The following LRP11 variants were observed in gnomAD, a reference collection of about 807,000 sequenced individuals.
LRP11 encodes low-density lipoprotein receptor-related protein 11.
In LRP11, 25 loss-of-function variants were observed where a neutral mutation model predicts 43.1. The observed-to-expected ratio is 0.58, with a 90% CI of 0.42 to 0.81. The LOEUF (loss-of-function observed/expected upper bound fraction) is 0.81. Among genes scored for constraint, LRP11 ranks in the 30% least tolerant of loss-of-function variants. LRP11 has a pLI of 0.00. For synonymous variants in LRP11, 316 were observed against 299.4 expected (o/e 1.06, Z -0.57); for missense variants, 623 against 665.1 (o/e 0.94, Z 0.70).
In LRP11 at chr6:149,836,789, T is replaced by G. The variant is rs149763148; in HGVS notation, c.1040-492A>C. Among the ~76,000 whole-genome samples the G allele has an allele frequency of 4.0e-3, 610 of 151,744 alleles. 8 individuals are homozygous for G. Among genetic ancestry groups the G allele is most frequent in the African/African-American group, 0.014 (575 of 41,344 alleles). ...ATGATTATGCCACTGCACTCCAGCC[T>G]GGGTGACAGAGTGAGAACTGGTCTC... On this transcript the variant is annotated intron_variant, in intron 4 of 6. Coordinates refer to ENST00000239367, the MANE Select transcript of LRP11 (RefSeq NM_032832.6).
intron 1 of LRP11, among the ~76,000 whole-genome samples, chr6:149,859,768 T>A (rs1234952601): frequency 6.6e-6 from 1 of 152,144 alleles, no homozygotes; most frequent in African/African-American, 2.4e-5. Context: ...TTTCTTGATA[T>A]GAAGTTTTTT....
rs1403048685 is a variant in LRP11, at chr6:149,863,780, C to A, written c.241G>T (p.Ala81Ser). 6.8e-7 allele frequency: 1 copy of A among 1,480,134 alleles called. No individual in the cohort carries two copies. Among genetic ancestry groups the A allele is most frequent in the Non-Finnish European group, 8.9e-7 (1 of 1,122,224 alleles). The allele number at this position is 1,480,134 out of a possible 1,614,324, so 91.7% of individuals were successfully genotyped here. ...PQEELELELR[A>S]GGGPQEDCPG... ...CAGTCCTCCTGGGGGCCGCCGCCCGCGCGCAGCTCCAGCTCCAGCTCCTCC... is the reference window on the plus strand; with the variant it reads ...CAGTCCTCCTGGGGGCCGCCGCCCGAGCGCAGCTCCAGCTCCAGCTCCTCC... Residue 81 changes from alanine to serine, a missense_variant, in exon 1 of 7, where the codon GCG (alanine) becomes TCG (serine). Physicochemically the swap from Ala to Ser is moderately conservative, Grantham distance 99. Transcript: ENST00000239367.
chr6:149,831,207 C>G (rs544216903), intron 5 of LRP11, among the ~76,000 whole-genome samples: 1 of 152,230 alleles, frequency 6.6e-6, no homozygotes, highest in African/African-American at 2.4e-5. Flanking sequence ...GAATTGGCAG[C>G]TGGATGGAAG....
intron 1 of LRP11, among the ~76,000 whole-genome samples, chr6:149,856,151 T>C (rs1262787919): frequency 6.6e-6 from 1 of 152,246 alleles, no homozygotes; most frequent in African/African-American, 2.4e-5. Flanking sequence ...AATGAAAATA[T>C]GTCTATGTGA....
intron 2 of LRP11, among the ~76,000 whole-genome samples, chr6:149,851,604 A>C (rs1046452944): frequency 5.3e-5 from 8 of 152,234 alleles, no homozygotes; most frequent in Non-Finnish European, 8.8e-5. Flanking sequence ...CAATGCACAG[A>C]AGTAAGGGGA....
intron 1 of LRP11, among the ~76,000 whole-genome samples, chr6:149,859,239 A>G (rs967720162): frequency 2.0e-5 from 3 of 151,716 alleles, no homozygotes; most frequent in Non-Finnish European, 4.4e-5. Context: ...TACCAAGTTA[A>G]TAAATGAAAA....
chr6:149,837,590 A>G, intron 3 of LRP11, 127 bp from the exon 4 acceptor site: 1 of 938,340 alleles, frequency 1.1e-6, no homozygotes, highest in Non-Finnish European at 1.6e-6. Flanking sequence ...AATGAGGCAA[A>G]CCTAACAATT....
intron 1 of LRP11, among the ~76,000 whole-genome samples, chr6:149,859,377 C>CATATATATATATATAT (rs201050390): frequency 1.2e-4 from 6 of 51,594 alleles, no homozygotes; most frequent in East Asian, 1.6e-3. Flanking sequence ...CTTGCTGACT[C>CATATATATATATATAT]ATATATATAT....
At chr6:149,836,955 T>C (rs1384899335) in intron 4 of LRP11, among the ~76,000 whole-genome samples, 1 of 152,188 alleles carries the variant, frequency 6.6e-6, no homozygotes, top group Non-Finnish European at 1.5e-5. Context: ...GGTGTTTCTA[T>C]GTGTATGATA....
intron 3 of LRP11, 97 bp downstream of exon 3, chr6:149,842,886 T>C: frequency 7.1e-7 from 1 of 1,408,818 alleles, no homozygotes; most frequent in Non-Finnish European, 9.8e-7. Context: ...AAAAATAAAA[T>C]GGAAGAGCCC....
At position 149,863,811 on chromosome 6, in the gene LRP11, C is replaced by A; in HGVS notation, c.210G>T (p.Arg70=). Residue 70 remains arginine, a synonymous_variant, in exon 1 of 7, where the codon CGG becomes CGT. Coordinates refer to ENST00000239367, the MANE Select transcript of LRP11 (RefSeq NM_032832.6). ...EEFRRQLQQE[R]PQEELELELR... is the part of the protein sequence containing the mutation. The stretch of plus-strand genomic sequence containing the variant: ...GCTCCAGCTCCAGCTCCTCCTGAGG[C>A]CGCTCCTGCTGCAGTTGCCGGCGGA... 1 of 1,505,164 alleles carries A rather than the reference C, an allele frequency of 6.6e-7. No individual in the cohort carries two copies. The highest frequency in any genetic ancestry group is 8.8e-7 in the Non-Finnish European group (1 of 1,135,534). The allele number at this position is 1,505,164 out of a possible 1,614,324, so 93.2% of individuals were successfully genotyped here. A position where few individuals can be genotyped will look rare whatever the true frequency, so the allele number is the denominator to read the frequency against.
intron 5 of LRP11, among the ~76,000 whole-genome samples, chr6:149,826,974 C>CT (rs35335842): frequency 0.49 from 69,999 of 143,738 alleles, 18,489 homozygotes; most frequent in East Asian, 0.83. Flanking sequence ...TATTTATTTA[C>CT]TTTTTTTTTT....
chr6:149,854,182 T>C (rs943117054), intron 1 of LRP11, among the ~76,000 whole-genome samples: 1 of 152,232 alleles, frequency 6.6e-6, no homozygotes, highest in African/African-American at 2.4e-5. Flanking sequence ...TGGTGCACGA[T>C]CATAGCTCAC....
In LRP11 at chr6:149,863,728, C is replaced by T. The variant is rs1046884830; in HGVS notation, c.293G>A (p.Ser98Asn). ...GCGGATGATGGCGTCAGGCATTGCG[C>T]TGTAGCCGCCGCTGCCCGGGCCCGG... ...DCPGPGSGGYSAMPDAIIRTK... is the reference protein window; with the variant it reads ...DCPGPGSGGYNAMPDAIIRTK... The change falls in exon 1 of 7, where the codon AGC becomes AAC. Residue 98 changes from serine (S) to asparagine (N), a missense_variant. Ser to Asn is a conservative substitution (Grantham distance 46, BLOSUM62 1). Coordinates refer to ENST00000239367, the MANE Select transcript of LRP11 (RefSeq NM_032832.6). 13 of 1,480,314 alleles carry T rather than the reference C, an allele frequency of 8.8e-6. No homozygotes were observed. Among genetic ancestry groups the T allele is most frequent in the African/African-American group, 2.9e-5 (2 of 68,340 alleles). The allele number at this position is 1,480,314 out of a possible 1,614,324, so 91.7% of individuals were successfully genotyped here.
intron 5 of LRP11, among the ~76,000 whole-genome samples, chr6:149,833,243 G>C (rs1776432368): frequency 6.6e-6 from 1 of 152,140 alleles, no homozygotes; most frequent in Non-Finnish European, 1.5e-5. Context: ...GGCCAATAAT[G>C]CACTTTTAAA....
Position 149,823,522 on chromosome 6 carries a change from G to T in LRP11, c.1348+2742C>A, listed in dbSNP as rs190668762. Among the ~76,000 whole-genome samples, 448 of 152,218 alleles carry T rather than the reference G, an allele frequency of 2.9e-3. 2 individuals carry two copies. The highest frequency in any genetic ancestry group is 5.0e-3 in the Non-Finnish European group (340 of 68,008). On this transcript the variant is annotated intron_variant, in intron 6 of 6. Coordinates refer to ENST00000239367, the MANE Select transcript of LRP11 (RefSeq NM_032832.6). ...TGCAACCAGATGAGTTTTTACATTT[G>T]GGGGGCAGGTAGCTGAGGAAGTTCA... is the stretch of plus-strand genomic sequence containing the variant.
intron 5 of LRP11, among the ~76,000 whole-genome samples, chr6:149,831,417 G>C (rs1366692478): frequency 3.3e-5 from 5 of 152,210 alleles, no homozygotes; most frequent in African/African-American, 1.2e-4. Context: ...GGGTGGAATT[G>C]TTAATGAATG....
At chr6:149,850,989 TTTGA>T (rs1334833585) in intron 2 of LRP11, among the ~76,000 whole-genome samples, 5 of 152,214 alleles carry the variant, frequency 3.3e-5, no homozygotes, top group African/African-American at 1.2e-4. Context: ...CCGTGGGGGC[TTTGA>T]TTATGATGAA....
chr6:149,841,307 C>T (rs1299010361), intron 3 of LRP11, among the ~76,000 whole-genome samples: 1 of 152,170 alleles, frequency 6.6e-6, no homozygotes, highest in Non-Finnish European at 1.5e-5. Flanking sequence ...TAATTACCAT[C>T]TGGATCCTGA....
Sources: allele counts gnomAD v4.1 joint callset (sites outside exome capture counted in the v4.1 genomes callset), GRCh38; gene constraint gnomAD v4.1.1; transcripts MANE v1.5; gene names NCBI Gene and HGNC (gene_info 2026-07-23, HGNC 2026-07-21).